The following FNIP2 variants were observed in gnomAD, a reference collection of about 807,000 sequenced individuals.
FNIP2 encodes folliculin interacting protein 2.
FNIP2 carries 32 observed loss-of-function variants against 108.7 expected under a neutral mutation model. That is an observed-to-expected ratio of 0.29 (90% CI 0.22 to 0.40). The LOEUF is 0.40. FNIP2 is among the 10% of genes least tolerant of loss of function. The pLI is 1.00. For synonymous variants in FNIP2, 480 were observed against 496.7 expected, an observed-to-expected ratio of 0.97 and a Z score of 0.45; for missense variants, 1,202 against 1,381.6, an observed-to-expected ratio of 0.87 and a Z score of 2.06.
intron 7 of FNIP2, among the ~76,000 whole-genome samples, chr4:158,838,736 A>G (rs1178543866): frequency 6.6e-6 from 1 of 152,158 alleles, no homozygotes; most frequent in African/African-American, 2.4e-5. Context: ...ATACATTACT[A>G]TTAGCTAAAG....
intron 1 of FNIP2, among the ~76,000 whole-genome samples, chr4:158,797,793 A>T (rs1409854654): frequency 6.6e-6 from 1 of 152,168 alleles, no homozygotes; most frequent in African/African-American, 2.4e-5. Context: ...CCATCTCTCC[A>T]CTGGCATGAG....
chr4:158,849,970 G>A lies in FNIP2; in HGVS notation c.728-1351G>A, dbSNP rs74539947. Among the ~76,000 whole-genome samples the A allele has an allele frequency of 7.0e-3, 1,073 of 152,240 alleles. 10 individuals are homozygous for A. Among genetic ancestry groups the A allele is most frequent in the African/African-American group, 0.024 (989 of 41,542 alleles). ...AAAGCATCTCAGAGACCTCTGCTTT[G>A]GAAAGAAACTTGAGTCATCATGTTC... On this transcript the variant is annotated intron_variant, in intron 7 of 16. Transcript: ENST00000264433.
At chr4:158,780,287 C>A (rs1775998939) in intron 1 of FNIP2, among the ~76,000 whole-genome samples, 1 of 151,718 alleles carries the variant, frequency 6.6e-6, no homozygotes, top group Non-Finnish European at 1.5e-5. Flanking sequence ...ATGTTGTAAA[C>A]CTTGTTAATT....
rs202236764 is a variant in FNIP2, at chr4:158,861,631, G to C, written c.1320G>C (p.Ala440=). ...KNQFFAALLT[A]VLTYHLAWVP... ...GGTTTTTTGCTGCCTTACTGACTGC[G>C]GTGTTAACCTACCACCTGGCCTGGG... The change falls in exon 12 of 17, where the codon GCG becomes GCC. Residue 440 remains alanine, a synonymous_variant. Coordinates refer to ENST00000264433, the MANE Select transcript of FNIP2 (RefSeq NM_020840.3). 1 of 1,613,818 alleles carries C rather than the reference G, an allele frequency of 6.2e-7. No individual in the cohort carries two copies. The highest frequency in any genetic ancestry group is 1.7e-5 in the Admixed American group (1 of 59,994).
At chr4:158,830,356 G>C (rs998339750) in intron 3 of FNIP2, among the ~76,000 whole-genome samples, 2 of 149,276 alleles carry the variant, frequency 1.3e-5, no homozygotes, top group Non-Finnish European at 3.0e-5. Context: ...TCCGCTTCCC[G>C]GGTTCACGCC....
rs915463303 is a variant in FNIP2 at position 158,869,562 on chromosome 4, A to G, written c.2792+134A>G. 13 of 1,257,654 alleles carry G rather than the reference A, an allele frequency of 1.0e-5. No individual in the cohort carries two copies. The African/African-American group carries it at 2.0e-4, about 19-fold the overall frequency. The allele number at this position is 1,257,654 out of a possible 1,614,324, so 77.9% of individuals were successfully genotyped here. Reference sequence around the variant, plus strand: ...ATCTTTTTTTCCACAAAGTACTAGAAGTATTATTAATTCTATACAAACGGT... The same window carrying G: ...ATCTTTTTTTCCACAAAGTACTAGAGGTATTATTAATTCTATACAAACGGT... On this transcript the variant is annotated intron_variant, in intron 13 of 16. Coordinates refer to ENST00000264433, the MANE Select transcript of FNIP2 (RefSeq NM_020840.3).
intron 14 of FNIP2, among the ~76,000 whole-genome samples, chr4:158,883,627 C>T (rs536014218): frequency 2.6e-5 from 4 of 152,156 alleles, no homozygotes; most frequent in Non-Finnish European, 5.9e-5. Context: ...GATTTTAGAT[C>T]TGGTTATGAA....
At chr4:158,817,797 G>A (rs577743607) in intron 1 of FNIP2, among the ~76,000 whole-genome samples, 6 of 152,212 alleles carry the variant, frequency 3.9e-5, no homozygotes, top group East Asian at 1.9e-4. Flanking sequence ...TGCCTGCCTC[G>A]GCCTCCCAAA....
intron 14 of FNIP2, among the ~76,000 whole-genome samples, chr4:158,875,629 A>G (rs1484506277): frequency 1.3e-5 from 2 of 151,414 alleles, no homozygotes; most frequent in African/African-American, 4.9e-5. Context: ...GTAAATCATT[A>G]CTTAAGTAAC....
chr4:158,896,988 C>T (rs1239279695), intron 16 of FNIP2, among the ~76,000 whole-genome samples: 1 of 152,010 alleles, frequency 6.6e-6, no homozygotes, highest in African/African-American at 2.4e-5. Context: ...AATGCTATCC[C>T]ACCCCCAGCC....
chr4:158,893,551 A>T (rs908346221), intron 15 of FNIP2: 3 of 614,490 alleles, frequency 4.9e-6, no homozygotes, highest in Non-Finnish European at 8.5e-6. Context: ...CAAACTGTTT[A>T]TTTGGGCTTT....
At position 158,783,977 on chromosome 4, in the gene FNIP2, T is replaced by TA. The variant is rs536205905; in HGVS notation, c.107+14659dup. Reference sequence around the variant, plus strand: ...ACAGGATGTGGAAGTGATGGGGAGATACTTGTAAACAAAAAGAATAGACAA... The same window carrying TA: ...ACAGGATGTGGAAGTGATGGGGAGATAACTTGTAAACAAAAAGAATAGACAA... On this transcript the variant is annotated intron_variant, in intron 1 of 16. Transcript: ENST00000264433. Among the ~76,000 whole-genome samples the TA allele has an allele frequency of 1.2e-3, 189 of 152,318 alleles. 1 individual carries two copies. The Middle Eastern group carries it at 0.027, about 22-fold the overall frequency.
intron 1 of FNIP2, among the ~76,000 whole-genome samples, chr4:158,798,506 TG>T (rs1296245200): frequency 2.0e-5 from 3 of 152,256 alleles, no homozygotes; most frequent in African/African-American, 7.2e-5. Flanking sequence ...CCATTTGTTT[TG>T]GCACACTGAA....
chr4:158,775,428 A>C (rs1289409110), intron 1 of FNIP2, among the ~76,000 whole-genome samples: 1 of 152,214 alleles, frequency 6.6e-6, no homozygotes, highest in African/African-American at 2.4e-5. Flanking sequence ...TATGTAAAAA[A>C]AGGAAAAACA....
At chr4:158,900,389 A>G (rs533873146) in intron 16 of FNIP2, among the ~76,000 whole-genome samples, 6 of 152,258 alleles carry the variant, frequency 3.9e-5, no homozygotes, top group African/African-American at 1.4e-4. Flanking sequence ...CAAGTCCTGA[A>G]TACCCTGTTA....
At chr4:158,899,486 T>G (rs1197844094) in intron 16 of FNIP2, among the ~76,000 whole-genome samples, 2 of 152,216 alleles carry the variant, frequency 1.3e-5, no homozygotes, top group African/African-American at 4.8e-5. Context: ...GTCCTGGACA[T>G]TTTTTGGTTG....
At chr4:158,872,519 T>C in intron 14 of FNIP2, 1 of 985,442 alleles carries the variant, frequency 1.0e-6, no homozygotes, top group Non-Finnish European at 1.2e-6. Flanking sequence ...TAACCTATAT[T>C]GTGTCAAATT....
At chr4:158,901,324 T>C (rs968816937) in intron 16 of FNIP2, among the ~76,000 whole-genome samples, 7 of 151,994 alleles carry the variant, frequency 4.6e-5, no homozygotes, top group African/African-American at 1.5e-4. Context: ...TGGCCCCCAC[T>C]CTCTTCTGGC....
chr4:158,820,661 A>C (rs1777833791), intron 1 of FNIP2, among the ~76,000 whole-genome samples: 1 of 151,714 alleles, frequency 6.6e-6, no homozygotes, highest in Non-Finnish European at 1.5e-5. Context: ...TTCTAGCCTC[A>C]TTTGCTGTGT....
Sources: gnomAD v4.1 joint callset for allele counts (sites outside exome capture counted in the v4.1 genomes callset) on GRCh38, gnomAD v4.1.1 for gene constraint, MANE v1.5 for transcripts, NCBI Gene and HGNC (gene_info 2026-07-23, HGNC 2026-07-21) for gene names.